Variants in MCTP1 observed in about 807,000 individuals in gnomAD.
MCTP1 encodes the protein multiple C2 and transmembrane domain-containing protein 1.
MCTP1 carries 69 observed loss-of-function variants against 120.6 expected under a neutral mutation model. That is an observed-to-expected ratio of 0.57 (90% CI 0.47 to 0.70). The LOEUF is 0.70. MCTP1 is among the 30% of genes least tolerant of loss of function. The pLI is 0.00. For synonymous variants in MCTP1, 529 were observed against 493.1 expected (o/e 1.07, Z -0.96); for missense variants, 1,203 against 1,248.8 (o/e 0.96, Z 0.55).
chr5:94,707,599 C>A lies in MCTP1; in HGVS notation c.2929-32G>T. 3 of 1,537,156 alleles carry A rather than the reference C, an allele frequency of 2.0e-6. No homozygotes were observed. In the South Asian group the frequency reaches 3.4e-5, roughly 17 times the overall value. Reference sequence around the variant, plus strand: ...AAACAGAGTTCAGAGGAAGACTGGTCAGGTGGCCACTTTCTGGCAAAGAAA... The same window carrying A: ...AAACAGAGTTCAGAGGAAGACTGGTAAGGTGGCCACTTTCTGGCAAAGAAA... On this transcript the variant is annotated intron_variant, in intron 22 of 22. Coordinates refer to ENST00000515393, the MANE Select transcript of MCTP1 (RefSeq NM_024717.7).
At chr5:94,995,195 C>T (rs537732371) in intron 2 of MCTP1, among the ~76,000 whole-genome samples, 2 of 152,246 alleles carry the variant, frequency 1.3e-5, no homozygotes, top group South Asian at 4.1e-4. Context: ...CTTTAGATAT[C>T]TTTTACATCC....
intron 19 of MCTP1, among the ~76,000 whole-genome samples, chr5:94,715,221 G>T (rs534545281): frequency 1.3e-5 from 2 of 152,014 alleles, no homozygotes; most frequent in East Asian, 3.9e-4. Flanking sequence ...ATTCTACAGT[G>T]CCTCTGGATC....
intron 1 of MCTP1, among the ~76,000 whole-genome samples, chr5:95,069,218 T>C (rs557751868): frequency 2.0e-5 from 3 of 152,306 alleles, no homozygotes; most frequent in Admixed American, 2.0e-4. Context: ...GTCAAATTAT[T>C]GGTAAGTCAG....
intron 2 of MCTP1, among the ~76,000 whole-genome samples, chr5:94,990,150 G>A (rs933713201): frequency 1.3e-5 from 2 of 152,144 alleles, no homozygotes; most frequent in African/African-American, 4.8e-5. Flanking sequence ...TGAAGCGGGG[G>A]CAATCATGTG....
intron 1 of MCTP1, among the ~76,000 whole-genome samples, chr5:95,142,605 AG>A (rs1482281763): frequency 6.6e-6 from 1 of 152,202 alleles, no homozygotes; most frequent in Non-Finnish European, 1.5e-5. Flanking sequence ...GGAAGAAAAA[AG>A]TCATGAAAAG....
chr5:95,163,407 A>G (rs1745966739), intron 1 of MCTP1, among the ~76,000 whole-genome samples: 1 of 152,210 alleles, frequency 6.6e-6, no homozygotes, highest in Admixed American at 6.5e-5. Flanking sequence ...CTTGACATTA[A>G]AAATTCAGCC....
intron 1 of MCTP1, among the ~76,000 whole-genome samples, chr5:95,133,890 T>C (rs1257887419): frequency 6.6e-6 from 1 of 152,210 alleles, no homozygotes; most frequent in Admixed American, 6.5e-5. Flanking sequence ...AAAAGGTTTG[T>C]TCCTCAGAAG....
At chr5:95,003,463 T>C (rs1162723978) in intron 2 of MCTP1, among the ~76,000 whole-genome samples, 2 of 152,194 alleles carry the variant, frequency 1.3e-5, no homozygotes, top group Admixed American at 6.5e-5. Flanking sequence ...CACGCAACAA[T>C]AAAATCACCT....
At chr5:95,224,670 G>C (rs1427142392) in intron 1 of MCTP1, among the ~76,000 whole-genome samples, 1 of 152,110 alleles carries the variant, frequency 6.6e-6, no homozygotes, top group Non-Finnish European at 1.5e-5. Context: ...ACCACATTCA[G>C]CTAATTTTAT....
chr5:95,226,591 C>CTT (rs879888289), intron 1 of MCTP1, among the ~76,000 whole-genome samples: 10 of 147,106 alleles, frequency 6.8e-5, no homozygotes, highest in African/African-American at 1.7e-4. Flanking sequence ...CTCAGAACAC[C>CTT]TTTTTTTTTT....
intron 19 of MCTP1, among the ~76,000 whole-genome samples, chr5:94,770,356 T>G (rs1396779605): frequency 1.3e-5 from 2 of 152,190 alleles, no homozygotes; most frequent in Admixed American, 1.3e-4. Context: ...GAAGAGGAAA[T>G]TCACTGCTGC....
In MCTP1 at chr5:94,917,965, G is replaced by A. The variant is rs752070026; in HGVS notation, c.1281C>T (p.Gly427=). The A allele has an allele frequency of 6.2e-7, 1 of 1,613,822 alleles. No individual in the cohort carries two copies. The highest frequency in any genetic ancestry group is 2.2e-5 in the East Asian group (1 of 44,878). ...SVKSLFWRTC[G]RPALPVLGFC... is the part of the protein sequence containing the mutation. ...AGCCCAGGACAGGAAGAGCTGGCCT[G>A]CCGCACGTCTGGATGGAAATGAATG... Residue 427 remains glycine (G), a synonymous_variant, in exon 8 of 23, where the codon GGC becomes GGT. Transcript: ENST00000515393.
At chr5:94,800,029 C>A (rs1780874646) in intron 17 of MCTP1, among the ~76,000 whole-genome samples, 1 of 152,126 alleles carries the variant, frequency 6.6e-6, no homozygotes. Context: ...CTAGATTCCA[C>A]TCCTGACTCT....
rs536069392 is a variant in MCTP1, at chr5:95,172,179, G to A, written c.720+111677C>T. Among the ~76,000 whole-genome samples, 3 of 152,314 alleles carry A rather than the reference G, an allele frequency of 2.0e-5. No homozygotes were observed. The East Asian group carries it at 5.8e-4, about 29-fold the overall frequency. On this transcript the variant is annotated intron_variant, in intron 1 of 22. Coordinates refer to ENST00000515393, the MANE Select transcript of MCTP1 (RefSeq NM_024717.7). ...TGGAGTTTGCTGGAGGTCCACTCCA[G>A]ACCGTTTGCCTACGTATCAGCAGTG...
At chr5:94,768,261 G>T (rs565330801) in intron 19 of MCTP1, among the ~76,000 whole-genome samples, 43 of 152,174 alleles carry the variant, frequency 2.8e-4, no homozygotes, top group African/African-American at 9.9e-4. Context: ...CCTCAAAATG[G>T]ATTAAAGATT....
At chr5:95,196,510 A>G (rs1750413990) in intron 1 of MCTP1, among the ~76,000 whole-genome samples, 1 of 152,222 alleles carries the variant, frequency 6.6e-6, no homozygotes, top group Non-Finnish European at 1.5e-5. Context: ...TCAGCTGGGA[A>G]TACAATAATG....
At chr5:94,879,659 C>T (rs1013409574) in intron 12 of MCTP1, among the ~76,000 whole-genome samples, 3 of 152,176 alleles carry the variant, frequency 2.0e-5, no homozygotes, top group South Asian at 4.2e-4. Flanking sequence ...GACCTGTTAA[C>T]ATTGGAGTAA....
chr5:95,143,506 G>A (rs146828594), intron 1 of MCTP1, among the ~76,000 whole-genome samples: 1 of 152,152 alleles, frequency 6.6e-6, no homozygotes, highest in African/African-American at 2.4e-5. Context: ...GGGTACAGAT[G>A]GTAGTAAGCA....
intron 1 of MCTP1, among the ~76,000 whole-genome samples, chr5:95,146,700 T>C (rs1760424861): frequency 6.6e-6 from 1 of 152,188 alleles, no homozygotes; most frequent in African/African-American, 2.4e-5. Flanking sequence ...TTTTGAGAGA[T>C]GTTCTTGGTA....
Sources: allele counts gnomAD v4.1 joint callset (sites outside exome capture counted in the v4.1 genomes callset), GRCh38; gene constraint gnomAD v4.1.1; transcripts MANE v1.5; gene names NCBI Gene and HGNC (gene_info 2026-07-23, HGNC 2026-07-21).